Variants in RAB33B observed in about 807,000 individuals in gnomAD.
RAB33B encodes the protein ras-related protein Rab-33B.
Under a neutral mutation model 15.0 loss-of-function variants are expected in RAB33B, and 6 were observed. The observed-to-expected ratio is 0.40, with a 90% CI of 0.22 to 0.79. The LOEUF (loss-of-function observed/expected upper bound fraction) is 0.79, where lower values mean the gene tolerates loss of function less well. Ranked by LOEUF, RAB33B falls within the 30% of genes least tolerant of loss-of-function variation. The pLI is 0.37. For missense variants in RAB33B, 257 were observed against 296.4 expected, an observed-to-expected ratio of 0.87 and a Z score of 0.98; for synonymous variants, 117 against 108.3, an observed-to-expected ratio of 1.08 and a Z score of -0.50.
chr4:139,444,087 A>G, the RAB33B span, among the ~76,000 whole-genome samples: 2 of 152,160 alleles, frequency 1.3e-5, no homozygotes, highest in African/African-American at 4.8e-5. Context: ...TCTGGAGAAC[A>G]GGCATGGGAA....
At chr4:139,449,147 A>G (rs1484129178), upstream of RAB33B, 2 of 152,254 alleles carry the variant, frequency 1.3e-5, no homozygotes, top group Admixed American at 1.3e-4. Context: ...GGCGTGAGCC[A>G]CTGCGCCCAG....
intron 1 of RAB33B, among the ~76,000 whole-genome samples, chr4:139,462,625 C>T (rs1309169779): frequency 1.3e-5 from 2 of 152,184 alleles, no homozygotes; most frequent in Admixed American, 1.3e-4. Context: ...AGTGACATCT[C>T]AAGAGAACTC....
At chr4:139,452,368 C>G (rs1749943853), upstream of RAB33B, 1 of 152,106 alleles carries the variant, frequency 6.6e-6, no homozygotes, top group African/African-American at 2.4e-5. Context: ...AAGAGCTAAA[C>G]TAAAAAGTCC....
At chr4:139,449,977 T>A (rs1560999965), upstream of RAB33B, 1 of 152,322 alleles carries the variant, frequency 6.6e-6, no homozygotes, top group East Asian at 1.9e-4. Context: ...TCACTTAGAA[T>A]TCTTGAAGTC....
At chr4:139,455,991 T>C (rs755864091) in intron 1 of RAB33B, among the ~76,000 whole-genome samples, 8 of 152,176 alleles carry the variant, frequency 5.3e-5, no homozygotes, top group Admixed American at 1.3e-4. Context: ...ACCAAAATAG[T>C]TGGTCACCCT....
rs1423808982 is a variant in RAB33B at position 139,464,402 on chromosome 4, T to TG, written c.250-8284_250-8283insG. ...AGGAATACTGTTTTTTTTTTTTTTT[T>TG]TTTTTTTTTTATACTTTAAGTTCTA... is the stretch of plus-strand genomic sequence containing the variant. On this transcript the variant is annotated intron_variant, in intron 1 of 1. Coordinates refer to ENST00000305626, the MANE Select transcript of RAB33B (RefSeq NM_031296.3). Among the ~76,000 whole-genome samples, 34 of 148,810 alleles carry TG rather than the reference T, an allele frequency of 2.3e-4. 1 individual carries two copies. The highest frequency in any genetic ancestry group is 2.7e-4 in the Admixed American group (4 of 14,934).
the RAB33B span, among the ~76,000 whole-genome samples, chr4:139,441,925 T>C: frequency 2.0e-5 from 3 of 152,240 alleles, no homozygotes; most frequent in Non-Finnish European, 4.4e-5. Context: ...TCTATATTGA[T>C]TAATATTAAA....
intron 1 of RAB33B, among the ~76,000 whole-genome samples, chr4:139,467,510 G>A (rs1207678540): frequency 2.7e-5 from 4 of 150,894 alleles, no homozygotes; most frequent in African/African-American, 4.9e-5. Flanking sequence ...TGTGAAATAA[G>A]CACATCATGG....
chr4:139,459,104 G>T (rs933014605), intron 1 of RAB33B, among the ~76,000 whole-genome samples: 7 of 119,452 alleles, frequency 5.9e-5, no homozygotes, highest in Non-Finnish European at 1.0e-4. Context: ...TAATGGGGTT[G>T]TTTCTATTAA....
At position 139,475,766 on chromosome 4, in the gene RAB33B, C is replaced by T. The variant is rs1394212453; in HGVS notation, c.*2640C>T. The stretch of plus-strand genomic sequence containing the variant: ...ACACCAAAGGAAACTACCCCAGAAT[C>T]TAATGTAGTTCGCTATTAATAACAA... On this transcript the variant is annotated 3_prime_UTR_variant, in exon 2 of 2. Transcript: ENST00000305626. 1 of 152,124 alleles carries T rather than the reference C, an allele frequency of 6.6e-6. No homozygotes were observed. Among genetic ancestry groups the T allele is most frequent in the Non-Finnish European group, 1.5e-5 (1 of 67,990 alleles). 9.4% of individuals were successfully genotyped at this position (152,124 alleles called of 1,614,324 possible).
chr4:139,457,929 C>T (rs977876209), intron 1 of RAB33B, among the ~76,000 whole-genome samples: 1 of 152,154 alleles, frequency 6.6e-6, no homozygotes, highest in Admixed American at 6.5e-5. Context: ...TATTAACTGT[C>T]TTGTCTTCAA....
chr4:139,464,992 T>C (rs1458148202), intron 1 of RAB33B, among the ~76,000 whole-genome samples: 2 of 152,246 alleles, frequency 1.3e-5, no homozygotes, highest in East Asian at 3.8e-4. Context: ...TGAAGTAGTT[T>C]ACAGTCCCAC....
At chr4:139,464,140 G>T (rs924980327) in intron 1 of RAB33B, among the ~76,000 whole-genome samples, 5 of 152,106 alleles carry the variant, frequency 3.3e-5, no homozygotes, top group African/African-American at 1.2e-4. Flanking sequence ...ACTTAGCTGG[G>T]TCTGGTGACA....
At chr4:139,463,448 T>A (rs1750211939) in intron 1 of RAB33B, among the ~76,000 whole-genome samples, 1 of 152,232 alleles carries the variant, frequency 6.6e-6, no homozygotes, top group South Asian at 2.1e-4. Context: ...GTATATATTA[T>A]GTTATCTTTA....
chr4:139,464,273 G>A (rs985397263), intron 1 of RAB33B, among the ~76,000 whole-genome samples: 4 of 151,294 alleles, frequency 2.6e-5, no homozygotes, highest in Non-Finnish European at 2.9e-5. Flanking sequence ...GTGAGACCCC[G>A]TCTCAAAAAA....
At chr4:139,469,461 A>G (rs540248177) in intron 1 of RAB33B, among the ~76,000 whole-genome samples, 152 of 152,290 alleles carry the variant, frequency 1.0e-3, no homozygotes, top group African/African-American at 2.7e-3. Flanking sequence ...TTCTCTTCTG[A>G]AAGGTCACAT....
the RAB33B span, among the ~76,000 whole-genome samples, chr4:139,447,606 A>G: frequency 6.6e-6 from 1 of 150,606 alleles, no homozygotes; most frequent in Non-Finnish European, 1.5e-5. Context: ...AGGGAGTTAC[A>G]GTGTTGGCTG....
At chr4:139,441,664 T>C in the RAB33B span, among the ~76,000 whole-genome samples, 1 of 152,248 alleles carries the variant, frequency 6.6e-6, no homozygotes, top group Non-Finnish European at 1.5e-5. Flanking sequence ...GACATATTAT[T>C]TTTAACTTAC....
In RAB33B at chr4:139,467,079, C is replaced by T. The variant is rs1322068235; in HGVS notation, c.250-5607C>T. Among the ~76,000 whole-genome samples the T allele has an allele frequency of 2.0e-5, 3 of 147,764 alleles. No homozygotes were observed. The Admixed American group carries it at 2.1e-4, about 10-fold the overall frequency. The stretch of plus-strand genomic sequence containing the variant: ...TGTCTCCCAGGCTCAAGTGATTTTC[C>T]CACCTCAACCTCCCAAGTAGCTGGG... On this transcript the variant is annotated intron_variant, in intron 1 of 1. Coordinates refer to ENST00000305626, the MANE Select transcript of RAB33B (RefSeq NM_031296.3).
Sources: gnomAD v4.1 joint callset for allele counts (sites outside exome capture counted in the v4.1 genomes callset) on GRCh38, gnomAD v4.1.1 for gene constraint, MANE v1.5 for transcripts, NCBI Gene and HGNC (gene_info 2026-07-23, HGNC 2026-07-21) for gene names.